Variants in TGM2 observed in about 807,000 individuals in gnomAD.
TGM2 encodes the protein protein-glutamine gamma-glutamyltransferase 2.
TGM2 carries 53 observed loss-of-function variants against 75.6 expected under a neutral mutation model. The ratio of observed to expected loss-of-function variants is 0.70; its 90% CI spans 0.56 to 0.88. The LOEUF (loss-of-function observed/expected upper bound fraction) is 0.88. Among genes scored for constraint, TGM2 ranks in the 40% least tolerant of loss-of-function variants. The pLI, the probability that TGM2 is intolerant of heterozygous loss-of-function variation, is 0.00. For synonymous variants in TGM2, 374 were observed against 381.1 expected (o/e 0.98, Z 0.22); for missense variants, 842 against 928.5 (o/e 0.91, Z 1.21).
At position 38,148,090 on chromosome 20, in the gene TGM2, C is replaced by A. The variant is rs750166679; in HGVS notation, c.553-1G>T. The A allele has an allele frequency of 1.5e-5, 24 of 1,614,016 alleles. No homozygotes were observed. Among genetic ancestry groups the A allele is most frequent in the Non-Finnish European group, 1.7e-6 (2 of 1,180,014 alleles). ...AGATGTCTAGGATCCCATCTTCAAA[C>A]TGTGTCAGAGGAAACAAGAGGAGAA... On this transcript the variant is annotated splice_acceptor_variant, in intron 4 of 12. Coordinates refer to ENST00000361475, the MANE Select transcript of TGM2 (RefSeq NM_004613.4). LOFTEE classifies it high-confidence loss of function.
In TGM2 at chr20:38,142,176, T is replaced by C. The variant is rs769750631; in HGVS notation, c.883A>G (p.Thr295Ala). 8.6e-5 allele frequency: 139 copies of C among 1,614,024 alleles called. No homozygotes were observed. In the South Asian group the frequency reaches 1.5e-3, roughly 17 times the overall value. ...GAGTTGTAGTTGGTCACGACGCGGG[T>C]AGGGATGCCCAGGCACCTCAGCACT... ...CTVLRCLGIP[T>A]RVVTNYNSAH... The change falls in exon 7 of 13, where the codon ACC becomes GCC. Residue 295 changes from threonine (T) to alanine (A), a missense_variant. Thr to Ala is a moderately conservative substitution (Grantham distance 58, BLOSUM62 0). Transcript: ENST00000361475.
intron 6 of TGM2, among the ~76,000 whole-genome samples, chr20:38,143,148 G>A (rs1311448684): frequency 6.6e-6 from 1 of 152,218 alleles, no homozygotes; most frequent in African/African-American, 2.4e-5. Context: ...AAGGAGAGAG[G>A]AGAGGAAAGA....
At position 38,161,506 on chromosome 20, in the gene TGM2, C is replaced by T. The variant is rs1199457245; in HGVS notation, c.104G>A (p.Arg35Gln). ...CAGGGTCAGCCAGAAGGGCTGGCCC[C>T]GTCGCACCACCAGCTTCTCCCGGCA... ...DLCREKLVVRRGQPFWLTLHF... is the reference protein window; with the variant it reads ...DLCREKLVVRQGQPFWLTLHF... The change falls in exon 2 of 13, where the codon CGG (arginine) becomes CAG (glutamine). Residue 35 changes from arginine to glutamine, a missense_variant. Transcript: ENST00000361475. The T allele has an allele frequency of 5.0e-6, 8 of 1,614,002 alleles. No individual in the cohort carries two copies. The highest frequency in any genetic ancestry group is 4.5e-5 in the East Asian group (2 of 44,886).
intron 3 of TGM2, among the ~76,000 whole-genome samples, chr20:38,153,063 C>T (rs1008018286): frequency 6.6e-6 from 1 of 151,970 alleles, no homozygotes; most frequent in Non-Finnish European, 1.5e-5. Flanking sequence ...AGTAAGGCCA[C>T]TTCTGTCCCG....
At chr20:38,132,937 C>G in intron 10 of TGM2, 3 of 442,202 alleles carry the variant, frequency 6.8e-6, no homozygotes, top group Non-Finnish European at 1.4e-5. Flanking sequence ...GGATCAGAGC[C>G]GACATCTGCT....
intron 1 of TGM2, among the ~76,000 whole-genome samples, chr20:38,161,939 G>A (rs759501499): frequency 3.3e-5 from 5 of 152,080 alleles, no homozygotes; most frequent in South Asian, 2.1e-4. Context: ...GAGGACAGGC[G>A]TGCACCACTA....
intron 4 of TGM2, among the ~76,000 whole-genome samples, chr20:38,148,572 T>C (rs2075075193): frequency 6.6e-6 from 1 of 152,160 alleles, no homozygotes; most frequent in Admixed American, 6.5e-5. Flanking sequence ...AGATTCTAAA[T>C]ACAGAAATCC....
intron 1 of TGM2, among the ~76,000 whole-genome samples, chr20:38,163,963 T>C (rs377697156): frequency 1.3e-5 from 2 of 152,182 alleles, no homozygotes; most frequent in South Asian, 2.1e-4. Flanking sequence ...AGGTCTAGAA[T>C]TGTAGGATTT....
At chr20:38,163,305 G>T (rs1317401555) in intron 1 of TGM2, among the ~76,000 whole-genome samples, 1 of 152,208 alleles carries the variant, frequency 6.6e-6, no homozygotes, top group Non-Finnish European at 1.5e-5. Flanking sequence ...AGGCCCAGGG[G>T]CAGGAATTTG....
intron 9 of TGM2, 73 bp from the exon 10 acceptor site, chr20:38,138,458 C>T: frequency 1.2e-6 from 2 of 1,607,986 alleles, no homozygotes. Context: ...ACAGGGCGAG[C>T]TGTCTTCGCA....
At chr20:38,157,349 C>T (rs1295751178) in intron 2 of TGM2, among the ~76,000 whole-genome samples, 2 of 152,224 alleles carry the variant, frequency 1.3e-5, no homozygotes, top group African/African-American at 2.4e-5. Flanking sequence ...CCTTTGAATG[C>T]TCCCTGACTT....
Position 38,147,984 on chromosome 20 carries a change from C to G in TGM2, c.658G>C (p.Val220Leu), listed in dbSNP as rs373772486. 5.6e-6 allele frequency: 9 copies of G among 1,612,772 alleles called. No individual in the cohort carries two copies. The South Asian group carries it at 9.9e-5, about 18-fold the overall frequency. ...ACCATGCCACTCACCACCCGGCCCA[C>G]GTAGACGGGGCTGCTGCGGCGGGAG... is the stretch of plus-strand genomic sequence containing the variant. ...DCSRRSSPVY[V>L]GRVVSGMVNC... The change falls in exon 5 of 13, where the codon GTG (valine) becomes CTG (leucine). Residue 220 changes from valine to leucine, a missense_variant. Coordinates refer to ENST00000361475, the MANE Select transcript of TGM2 (RefSeq NM_004613.4).
At chr20:38,157,629 CA>C (rs1214796898) in intron 2 of TGM2, among the ~76,000 whole-genome samples, 7 of 152,238 alleles carry the variant, frequency 4.6e-5, no homozygotes, top group African/African-American at 1.4e-4. Flanking sequence ...AGGCCAGTAG[CA>C]GTACCTCCCT....
chr20:38,145,045 G>T lies in TGM2; in HGVS notation c.859+1672C>A, dbSNP rs151137476. Among the ~76,000 whole-genome samples the T allele has an allele frequency of 1.2e-3, 184 of 152,286 alleles. 1 individual carries two copies. Among genetic ancestry groups the T allele is most frequent in the African/African-American group, 4.2e-3 (175 of 41,562 alleles). Reference sequence around the variant, plus strand: ...CCCATGGGCTTCTTTGAAAAGAGGTGTTTTAGGGCTCTCAGAGGGAAGTGT... The same window carrying T: ...CCCATGGGCTTCTTTGAAAAGAGGTTTTTTAGGGCTCTCAGAGGGAAGTGT... On this transcript the variant is annotated intron_variant, in intron 6 of 12. Transcript: ENST00000361475.
chr20:38,154,826 C>CCGGGCA (rs1008959938), intron 3 of TGM2, among the ~76,000 whole-genome samples: 10 of 152,156 alleles, frequency 6.6e-5, no homozygotes, highest in African/African-American at 2.4e-4. Context: ...CCCACCTCAG[C>CCGGGCA]CGGGCACGGT....
chr20:38,138,467 C>A lies in TGM2; in HGVS notation c.1343-82G>T, dbSNP rs1331608889. ...GCTGCAACAGGGCGAGCTGTCTTCG[C>A]AGAGGCCTGATGACTCAGGGCAGCC... On this transcript the variant is annotated intron_variant, in intron 9 of 12. Transcript: ENST00000361475. 7 of 1,606,066 alleles carry A rather than the reference C, an allele frequency of 4.4e-6. No individual in the cohort carries two copies. The African/African-American group carries it at 5.3e-5, about 12-fold the overall frequency.
chr20:38,156,053 C>A lies in TGM2; in HGVS notation c.227G>T (p.Arg76Leu). ...CTCCACAGCATCTCTTAGTGGAAAA[C>A]GGGCCTTGGTCCCGGCCTCCTGGCT... is the stretch of plus-strand genomic sequence containing the variant. ...APSQEAGTKA[R>L]FPLRDAVEEG... The change falls in exon 3 of 13, where the codon CGT (arginine) becomes CTT (leucine). Residue 76 changes from arginine (R) to leucine (L), a missense_variant. Transcript: ENST00000361475. The A allele has an allele frequency of 6.2e-7, 1 of 1,613,716 alleles. No homozygotes were observed. Among genetic ancestry groups the A allele is most frequent in the Non-Finnish European group, 8.5e-7 (1 of 1,179,964 alleles).
At chr20:38,142,767 C>T (rs996341845) in intron 6 of TGM2, among the ~76,000 whole-genome samples, 2 of 152,238 alleles carry the variant, frequency 1.3e-5, no homozygotes, top group African/African-American at 4.8e-5. Context: ...GTCCTTGGTT[C>T]CCCATGGCCC....
rs776522634 is a variant in TGM2, at chr20:38,155,984, G to A, written c.296C>T (p.Thr99Ile). The A allele has an allele frequency of 5.6e-6, 9 of 1,613,466 alleles. No individual in the cohort carries two copies. Among genetic ancestry groups the A allele is most frequent in the Middle Eastern group, 1.6e-4 (1 of 6,078 alleles). Residue 99 changes from threonine to isoleucine, a missense_variant, in exon 3 of 13, where the codon ACC becomes ATC. By Grantham distance (89) the Thr-to-Ile change is moderately conservative. Coordinates refer to ENST00000361475, the MANE Select transcript of TGM2 (RefSeq NM_004613.4). ...TATVVDQQDCTLSLQLTTPAN... is the reference protein window; with the variant it reads ...TATVVDQQDCILSLQLTTPAN... Reference sequence around the variant, plus strand: ...CGGGGTGGTGAGCTGCAGCGAGAGGGTGCAGTCTTGCTGGTCCACCACGGT... The same window carrying A: ...CGGGGTGGTGAGCTGCAGCGAGAGGATGCAGTCTTGCTGGTCCACCACGGT...
Sources: gnomAD v4.1 joint callset for allele counts (sites outside exome capture counted in the v4.1 genomes callset) on GRCh38, gnomAD v4.1.1 for gene constraint, MANE v1.5 for transcripts, NCBI Gene and HGNC (gene_info 2026-07-23, HGNC 2026-07-21) for gene names.